FUT9: variants seen among roughly 807,000 people sequenced by gnomAD.
The protein encoded by FUT9 is 4-galactosyl-N-acetylglucosaminide 3-alpha-L-fucosyltransferase 9.
A neutral mutation model predicts 29.7 loss-of-function variants in FUT9; 15 were observed. That is an observed-to-expected ratio of 0.51 (90% confidence interval 0.34 to 0.78). The LOEUF is 0.78. FUT9 is among the 30% of genes least tolerant of loss of function. The pLI, the probability that FUT9 is intolerant of heterozygous loss-of-function variation, is 0.01. For synonymous variants in FUT9, 169 were observed against 153.7 expected (o/e 1.10, Z -0.74); for missense variants, 319 against 425.4 (o/e 0.75, Z 2.20).
At chr6:96,103,182 T>C (rs1771617599) in intron 1 of FUT9, among the ~76,000 whole-genome samples, 1 of 152,172 alleles carries the variant, frequency 6.6e-6, no homozygotes, top group East Asian at 1.9e-4. Context: ...TTTAAGATGA[T>C]TTTAAGTTCA....
chr6:96,079,062 T>C (rs1016277155), intron 1 of FUT9, among the ~76,000 whole-genome samples: 4 of 152,180 alleles, frequency 2.6e-5, no homozygotes, highest in African/African-American at 9.7e-5. Context: ...TTGGCTCTGA[T>C]CTGCACTTTA....
chr6:96,138,060 AT>A (rs904788223), intron 2 of FUT9, among the ~76,000 whole-genome samples: 47 of 152,214 alleles, frequency 3.1e-4, no homozygotes, highest in African/African-American at 1.1e-3. Flanking sequence ...CATGTTTATT[AT>A]TTTGATGGAC....
rs543302062 is a variant in FUT9 at position 96,208,674 on chromosome 6, A to G, written c.*4439A>G. Reference sequence around the variant, plus strand: ...TACAACATTGTAAAGCATCAAAAGAAGTAACATCTCAAGAAAGATTAGAAA... The same window carrying G: ...TACAACATTGTAAAGCATCAAAAGAGGTAACATCTCAAGAAAGATTAGAAA... On this transcript the variant is annotated 3_prime_UTR_variant, in exon 3 of 3. Coordinates refer to ENST00000302103, the MANE Select transcript of FUT9 (RefSeq NM_006581.4). 5 of 166,932 alleles carry G rather than the reference A, an allele frequency of 3.0e-5. No homozygotes were observed. In the South Asian group the frequency reaches 1.0e-3, roughly 35 times the overall value. The allele number at this position is 166,932 out of a possible 1,614,324, so 10.3% of individuals were successfully genotyped here.
At chr6:96,042,216 T>C (rs1358907760) in intron 1 of FUT9, among the ~76,000 whole-genome samples, 1 of 152,128 alleles carries the variant, frequency 6.6e-6, no homozygotes, top group East Asian at 1.9e-4. Context: ...AGGGGCATCA[T>C]CACAACCAGC....
rs1023146838 is a variant in FUT9 at position 96,206,174 on chromosome 6, C to A, written c.*1939C>A. ...GGGGAAAAAAAGTAGAAAATTTCCC[C>A]AATTGCTTAGCTGTTTGACATGTTT... is the stretch of plus-strand genomic sequence containing the variant. On this transcript the variant is annotated 3_prime_UTR_variant, in exon 3 of 3. Coordinates refer to ENST00000302103, the MANE Select transcript of FUT9 (RefSeq NM_006581.4). 6.0e-6 allele frequency: 1 copy of A among 167,128 alleles called. No homozygotes were observed. The highest frequency in any genetic ancestry group is 1.9e-4 in the East Asian group (1 of 5,174). The allele number at this position is 167,128 out of a possible 1,614,324, so 10.4% of individuals were successfully genotyped here.
At chr6:96,137,169 G>T (rs556230270) in intron 2 of FUT9, among the ~76,000 whole-genome samples, 1 of 152,058 alleles carries the variant, frequency 6.6e-6, no homozygotes, top group South Asian at 2.1e-4. Context: ...CAACAGTGAA[G>T]TGTTTTAAAA....
intron 2 of FUT9, among the ~76,000 whole-genome samples, chr6:96,116,124 G>T (rs961895149): frequency 6.6e-6 from 1 of 151,992 alleles, no homozygotes; most frequent in Non-Finnish European, 1.5e-5. Flanking sequence ...TAATTTTCCT[G>T]GTAAAATATC....
chr6:96,030,652 G>T (rs1005044810), intron 1 of FUT9, among the ~76,000 whole-genome samples: 1 of 151,494 alleles, frequency 6.6e-6, no homozygotes, highest in African/African-American at 2.4e-5. Context: ...ATGAACATGT[G>T]TTTCTACATA....
chr6:96,094,547 G>A (rs1771463732), intron 1 of FUT9, among the ~76,000 whole-genome samples: 1 of 152,120 alleles, frequency 6.6e-6, no homozygotes, highest in African/African-American at 2.4e-5. Context: ...GAAGGAAAAA[G>A]TAATTCATGC....
intron 2 of FUT9, among the ~76,000 whole-genome samples, chr6:96,129,388 C>A (rs564872304): frequency 1.3e-5 from 2 of 151,168 alleles, no homozygotes; most frequent in African/African-American, 4.9e-5. Context: ...TTCGAGGCTT[C>A]GAGGCTGAAG....
intron 1 of FUT9, among the ~76,000 whole-genome samples, chr6:96,066,505 T>C (rs1770964527): frequency 6.6e-6 from 1 of 152,042 alleles, no homozygotes; most frequent in Admixed American, 6.6e-5. Context: ...GCTATTGTCA[T>C]CCGAAGCCAT....
intron 2 of FUT9, among the ~76,000 whole-genome samples, chr6:96,138,859 CT>C (rs759889974): frequency 2.0e-5 from 3 of 152,114 alleles, no homozygotes; most frequent in Non-Finnish European, 2.9e-5. Flanking sequence ...TCTACTTAAA[CT>C]TAGTATGGAG....
rs1409847421 is a variant in FUT9 at position 96,146,214 on chromosome 6, A to G, written c.-9+32087A>G. Among the ~76,000 whole-genome samples, 4 of 152,132 alleles carry G rather than the reference A, an allele frequency of 2.6e-5. No individual in the cohort carries two copies. The East Asian group carries it at 7.7e-4, about 29-fold the overall frequency. ...GAGACATGATCTACCTTATTTTATC[A>G]GACATGAGCTTCTCAACTGCAGGGG... On this transcript the variant is annotated intron_variant, in intron 2 of 2. Transcript: ENST00000302103.
chr6:96,106,884 G>A (rs375322460), intron 1 of FUT9, among the ~76,000 whole-genome samples: 1 of 152,286 alleles, frequency 6.6e-6, no homozygotes, highest in African/African-American at 2.4e-5. Context: ...TCAGACATAT[G>A]TCTCAGTGAA....
At chr6:96,076,216 A>G (rs1183051898) in intron 1 of FUT9, among the ~76,000 whole-genome samples, 1 of 152,206 alleles carries the variant, frequency 6.6e-6, no homozygotes, top group Non-Finnish European at 1.5e-5. Flanking sequence ...GTACTTTATA[A>G]CTTGATGTCA....
intron 1 of FUT9, among the ~76,000 whole-genome samples, chr6:96,024,148 C>G (rs1315569088): frequency 6.6e-6 from 1 of 151,878 alleles, no homozygotes; most frequent in African/African-American, 2.4e-5. Flanking sequence ...ATCAGACAAT[C>G]TTTTCTTTCT....
intron 1 of FUT9, among the ~76,000 whole-genome samples, chr6:96,039,411 A>C (rs1180949600): frequency 1.3e-5 from 2 of 152,066 alleles, no homozygotes; most frequent in Non-Finnish European, 2.9e-5. Flanking sequence ...GCTCCTCACC[A>C]ATTTATAAAA....
chr6:96,130,375 C>T (rs1225298286), intron 2 of FUT9, among the ~76,000 whole-genome samples: 1 of 152,076 alleles, frequency 6.6e-6, no homozygotes, highest in Non-Finnish European at 1.5e-5. Context: ...GCTAATGTCA[C>T]ATTAATAATG....
chr6:96,203,551 T>A lies in FUT9; in HGVS notation c.396T>A (p.Ile132=). Residue 132 remains isoleucine (I), a synonymous_variant, in exon 3 of 3, where the codon ATT becomes ATA. Transcript: ENST00000302103. The part of the protein sequence containing the change: ...QQARPPFQKW[I]WMNLESPTHT... ...CTAGGCCACCCTTCCAGAAATGGAT[T>A]TGGATGAATTTGGAATCACCAACTC... 6.2e-7 allele frequency: 1 copy of A among 1,613,708 alleles called. No homozygotes were observed. The highest frequency in any genetic ancestry group is 1.1e-5 in the South Asian group (1 of 91,070).
Sources: allele counts gnomAD v4.1 joint callset (sites outside exome capture counted in the v4.1 genomes callset), GRCh38; gene constraint gnomAD v4.1.1; transcripts MANE v1.5; gene names NCBI Gene and HGNC (gene_info 2026-07-23, HGNC 2026-07-21).